The following HS6ST3 variants were observed in gnomAD, a reference collection of about 807,000 sequenced individuals.
HS6ST3 encodes the protein heparan-sulfate 6-O-sulfotransferase 3.
Under a neutral mutation model 36.7 loss-of-function variants are expected in HS6ST3, and 12 were observed. That is an observed-to-expected ratio of 0.33 (90% CI 0.21 to 0.53). The LOEUF (loss-of-function observed/expected upper bound fraction) is 0.53. HS6ST3 is among the 20% of genes least tolerant of loss of function. The pLI is 0.95. For missense variants in HS6ST3, 584 were observed against 640.9 expected (o/e 0.91, Z 0.96); for synonymous variants, 240 against 257.5 (o/e 0.93, Z 0.65).
intron 1 of HS6ST3, among the ~76,000 whole-genome samples, chr13:96,716,692 C>T (rs979987570): frequency 6.6e-6 from 1 of 152,134 alleles, no homozygotes; most frequent in African/African-American, 2.4e-5. Context: ...ATCCATCCAT[C>T]TATATAATCT....
At chr13:96,599,304 A>T (rs2056413052) in intron 1 of HS6ST3, among the ~76,000 whole-genome samples, 1 of 151,852 alleles carries the variant, frequency 6.6e-6, no homozygotes, top group African/African-American at 2.4e-5. Context: ...AAAATTACTT[A>T]TTCATTCTCA....
intron 1 of HS6ST3, among the ~76,000 whole-genome samples, chr13:96,711,015 A>G (rs2138460867): frequency 6.6e-6 from 1 of 152,326 alleles, no homozygotes; most frequent in South Asian, 2.1e-4. Context: ...CTGGTCTTCA[A>G]ACAAAAAGCA....
chr13:96,352,466 G>A (rs901837093), intron 1 of HS6ST3, among the ~76,000 whole-genome samples: 1 of 152,218 alleles, frequency 6.6e-6, no homozygotes. Flanking sequence ...TTACAGCATG[G>A]CAGCTGGCTT....
chr13:96,641,935 C>A (rs1038899894), intron 1 of HS6ST3, among the ~76,000 whole-genome samples: 28 of 151,854 alleles, frequency 1.8e-4, no homozygotes, highest in African/African-American at 6.8e-4. Context: ...AAACAAAAAA[C>A]ATTTATAATA....
intron 1 of HS6ST3, among the ~76,000 whole-genome samples, chr13:96,498,853 T>C (rs2055989995): frequency 6.6e-6 from 1 of 152,206 alleles, no homozygotes; most frequent in African/African-American, 2.4e-5. Flanking sequence ...GTCATACTTC[T>C]CCTACCTTGT....
intron 1 of HS6ST3, among the ~76,000 whole-genome samples, chr13:96,789,940 T>A (rs1217306740): frequency 6.6e-6 from 1 of 151,908 alleles, no homozygotes; most frequent in Non-Finnish European, 1.5e-5. Context: ...TTCTTAAATC[T>A]GTAAGTTTGT....
chr13:96,263,127 A>C (rs1476865773), intron 1 of HS6ST3, among the ~76,000 whole-genome samples: 1 of 152,238 alleles, frequency 6.6e-6, no homozygotes, highest in African/African-American at 2.4e-5. Flanking sequence ...CTTGCAAAAT[A>C]GCTGTTAAAA....
chr13:96,145,444 A>C (rs1232196087), intron 1 of HS6ST3, among the ~76,000 whole-genome samples: 7 of 152,022 alleles, frequency 4.6e-5, no homozygotes, highest in African/African-American at 1.7e-4. Context: ...TGGCTGCATA[A>C]ATGTCTTCTT....
chr13:96,124,856 G>T (rs672988), intron 1 of HS6ST3, among the ~76,000 whole-genome samples: 132,423 of 152,216 alleles, frequency 0.87, 57,780 homozygotes, highest in East Asian at 0.92. Flanking sequence ...AGACGTTTAA[G>T]GTATGGTATG....
intron 1 of HS6ST3, among the ~76,000 whole-genome samples, chr13:96,723,571 C>T (rs1033799375): frequency 6.6e-6 from 1 of 152,174 alleles, no homozygotes; most frequent in Non-Finnish European, 1.5e-5. Context: ...AAATGTTTCT[C>T]GCTTCTCATA....
At chr13:96,283,528 A>G (rs1416215178) in intron 1 of HS6ST3, among the ~76,000 whole-genome samples, 3 of 151,752 alleles carry the variant, frequency 2.0e-5, no homozygotes, top group African/African-American at 7.3e-5. Flanking sequence ...CTCCTCCTCT[A>G]CTTCATCTCT....
chr13:96,326,305 C>T (rs1254495468), intron 1 of HS6ST3, among the ~76,000 whole-genome samples: 1 of 149,258 alleles, frequency 6.7e-6, no homozygotes, highest in Non-Finnish European at 1.5e-5. Flanking sequence ...TTAGGTATAT[C>T]TCCTAATGCT....
chr13:96,246,324 G>C (rs72642953), intron 1 of HS6ST3, among the ~76,000 whole-genome samples: 7,107 of 152,214 alleles, frequency 0.047, 286 homozygotes, highest in Admixed American at 0.12. Flanking sequence ...GCCCAAGACT[G>C]AAATTATTTT....
chr13:96,334,628 G>A (rs1057251647), intron 1 of HS6ST3, among the ~76,000 whole-genome samples: 74 of 152,144 alleles, frequency 4.9e-4, no homozygotes, highest in African/African-American at 1.7e-3. Context: ...CTTACACAGT[G>A]GCGGGGAAGA....
At chr13:96,754,918 C>A (rs1452292602) in intron 1 of HS6ST3, among the ~76,000 whole-genome samples, 1 of 151,986 alleles carries the variant, frequency 6.6e-6, no homozygotes, top group African/African-American at 2.4e-5. Context: ...TAATAACAGG[C>A]AATCTCCATG....
At chr13:96,485,421 G>T (rs1458494413) in intron 1 of HS6ST3, among the ~76,000 whole-genome samples, 2 of 151,986 alleles carry the variant, frequency 1.3e-5, no homozygotes, top group African/African-American at 2.4e-5. Context: ...ACTGACTATT[G>T]TATATTAATC....
intron 1 of HS6ST3, among the ~76,000 whole-genome samples, chr13:96,352,168 T>C (rs185352195): frequency 1.3e-5 from 2 of 152,374 alleles, no homozygotes; most frequent in Admixed American, 1.3e-4. Flanking sequence ...AAGGTGTATT[T>C]GTTATATATT....
At chr13:96,288,360 T>C (rs148499185) in intron 1 of HS6ST3, among the ~76,000 whole-genome samples, 248 of 152,282 alleles carry the variant, frequency 1.6e-3, no homozygotes, top group African/African-American at 5.6e-3. Context: ...TTTATTCTGG[T>C]GATGGTTTTT....
intron 1 of HS6ST3, among the ~76,000 whole-genome samples, chr13:96,218,711 T>C (rs16951714): frequency 0.052 from 7,973 of 152,200 alleles, 369 homozygotes; most frequent in African/African-American, 0.13. Flanking sequence ...CAGAGCACTC[T>C]GTCTTGATCT....
Sources: gnomAD v4.1 joint callset for allele counts (sites outside exome capture counted in the v4.1 genomes callset) on GRCh38, gnomAD v4.1.1 for gene constraint, MANE v1.5 for transcripts, NCBI Gene and HGNC (gene_info 2026-07-23, HGNC 2026-07-21) for gene names.